Variants in PPP2R2C observed in about 807,000 individuals in gnomAD.
PPP2R2C encodes the protein protein phosphatase 2, regulatory subunit B, gamma.
Under a neutral mutation model 45.3 loss-of-function variants are expected in PPP2R2C, and 10 were observed. The observed-to-expected ratio is 0.22, with a 90% confidence interval of 0.14 to 0.37. The LOEUF (loss-of-function observed/expected upper bound fraction) is 0.37, where lower values mean the gene tolerates loss of function less well. Among genes scored for constraint, PPP2R2C ranks in the 10% least tolerant of loss-of-function variants. The pLI is 1.00. For missense variants in PPP2R2C, 308 were observed against 619.7 expected (o/e 0.50, Z 5.34); for synonymous variants, 257 against 245.4 (o/e 1.05, Z -0.44).
At chr4:6,560,558 A>G (rs2108846863) in intron 1 of PPP2R2C, among the ~76,000 whole-genome samples, 1 of 152,266 alleles carries the variant, frequency 6.6e-6, no homozygotes, top group South Asian at 2.1e-4. Flanking sequence ...GCGGAAGGAA[A>G]GCAGCTCATA....
intron 5 of PPP2R2C, among the ~76,000 whole-genome samples, chr4:6,365,621 T>C (rs1714234233): frequency 1.3e-5 from 2 of 152,224 alleles, no homozygotes; most frequent in Admixed American, 1.3e-4. Flanking sequence ...GCAGAGGGAC[T>C]GTGTCTGCTC....
chr4:6,492,428 C>T (rs894779064), intron 2 of PPP2R2C, among the ~76,000 whole-genome samples: 4 of 152,194 alleles, frequency 2.6e-5, no homozygotes, highest in African/African-American at 9.7e-5. Flanking sequence ...CTATAAGAGC[C>T]TCCCCCCGAG....
At chr4:6,427,678 G>A (rs73206190) in intron 1 of PPP2R2C, among the ~76,000 whole-genome samples, 3,461 of 152,292 alleles carry the variant, frequency 0.023, 86 homozygotes, top group Non-Finnish European at 0.026. Flanking sequence ...CAGTATGCTC[G>A]GTGATGGATC....
chr4:6,373,860 T>C (rs1355638286), intron 4 of PPP2R2C, among the ~76,000 whole-genome samples: 2 of 151,898 alleles, frequency 1.3e-5, no homozygotes, highest in Non-Finnish European at 1.5e-5. Flanking sequence ...AGTGTGCATG[T>C]GAGTGTGCAT....
At chr4:6,560,686 A>G (rs1007749392) in intron 1 of PPP2R2C, among the ~76,000 whole-genome samples, 1 of 152,172 alleles carries the variant, frequency 6.6e-6, no homozygotes, top group African/African-American at 2.4e-5. Context: ...CCGCTTCACA[A>G]GTGTGTGACC....
At chr4:6,346,265 T>C (rs1022009140) in intron 6 of PPP2R2C, among the ~76,000 whole-genome samples, 1 of 152,174 alleles carries the variant, frequency 6.6e-6, no homozygotes, top group African/African-American at 2.4e-5. Flanking sequence ...CAGCTTCTCA[T>C]TCTCAGCTCA....
upstream of PPP2R2C, among the ~76,000 whole-genome samples, chr4:6,473,362 T>C (rs2108772670): frequency 6.7e-6 from 1 of 149,330 alleles, no homozygotes; most frequent in South Asian, 2.2e-4. Flanking sequence ...GCCTGGCACA[T>C]AGTGGGCCCT....
At chr4:6,402,982 C>T (rs1013041455) in intron 1 of PPP2R2C, among the ~76,000 whole-genome samples, 1 of 152,210 alleles carries the variant, frequency 6.6e-6, no homozygotes, top group African/African-American at 2.4e-5. Context: ...GTGCTAGGCT[C>T]TGCACGTCTC....
chr4:6,538,037 G>A (rs1333189548), intron 1 of PPP2R2C, among the ~76,000 whole-genome samples: 1 of 152,154 alleles, frequency 6.6e-6, no homozygotes, highest in African/African-American at 2.4e-5. Flanking sequence ...GGGTCGTGGA[G>A]ATGGTTGCAC....
At chr4:6,425,791 A>T (rs961238195) in intron 1 of PPP2R2C, among the ~76,000 whole-genome samples, 1 of 151,806 alleles carries the variant, frequency 6.6e-6, no homozygotes, top group Non-Finnish European at 1.5e-5. Context: ...CATACAGAAC[A>T]GGGCCCAGAA....
At chr4:6,498,419 A>C (rs907804664) in intron 2 of PPP2R2C, among the ~76,000 whole-genome samples, 1 of 152,228 alleles carries the variant, frequency 6.6e-6, no homozygotes, top group Admixed American at 6.5e-5. Flanking sequence ...CAGATGCTGC[A>C]ATTTATTACC....
At position 6,463,715 on chromosome 4, in the gene PPP2R2C, G is replaced by A. The variant is rs138379340; in HGVS notation, c.70+8445C>T. Among the ~76,000 whole-genome samples, 3 of 152,338 alleles carry A rather than the reference G, an allele frequency of 2.0e-5. No individual in the cohort carries two copies. In the East Asian group the frequency reaches 5.8e-4, roughly 29 times the overall value. On this transcript the variant is annotated intron_variant, in intron 1 of 8. Coordinates refer to ENST00000382599, the MANE Select transcript of PPP2R2C (RefSeq NM_020416.4). The stretch of plus-strand genomic sequence containing the variant: ...CGTTCCTCCTGCCCAGAATGCGCTA[G>A]AATACCATGTCCCAGCACATCATCA...
chr4:6,402,497 CCTT>C (rs5855911), intron 1 of PPP2R2C, among the ~76,000 whole-genome samples: 74,703 of 151,672 alleles, frequency 0.49, 19,350 homozygotes, highest in East Asian at 0.96. Flanking sequence ...CCTTCTCCTT[CCTT>C]CTTTCCTTCT....
At chr4:6,495,373 A>T (rs905938706) in intron 2 of PPP2R2C, among the ~76,000 whole-genome samples, 2 of 152,172 alleles carry the variant, frequency 1.3e-5, no homozygotes, top group African/African-American at 2.4e-5. Context: ...GCACCCACGA[A>T]AACAGTGTCC....
At chr4:6,464,874 G>A (rs924522636) in intron 1 of PPP2R2C, among the ~76,000 whole-genome samples, 5 of 149,446 alleles carry the variant, frequency 3.3e-5, no homozygotes, top group African/African-American at 1.2e-4. Flanking sequence ...ATAAGAAAGT[G>A]TGTGGGGGAG....
intron 2 of PPP2R2C, among the ~76,000 whole-genome samples, chr4:6,524,528 A>G (rs752267210): frequency 2.0e-5 from 3 of 152,240 alleles, no homozygotes; most frequent in Non-Finnish European, 4.4e-5. Context: ...CACCGTGATC[A>G]GGCAGCATTT....
chr4:6,548,452 C>T (rs1197046108), intron 1 of PPP2R2C, among the ~76,000 whole-genome samples: 1 of 152,204 alleles, frequency 6.6e-6, no homozygotes, highest in Non-Finnish European at 1.5e-5. Context: ...GCCTGGAACC[C>T]TTGTGCGTGA....
Position 6,511,500 on chromosome 4 carries a change from G to A in PPP2R2C, c.49+23771C>T, listed in dbSNP as rs1420716036. 8.5e-4 allele frequency among the ~76,000 whole-genome samples: 48 copies of A among 56,610 alleles called. 4 individuals are homozygous for A. Among genetic ancestry groups the A allele is most frequent in the African/African-American group, 2.0e-3 (29 of 14,706 alleles). 37.1% of individuals were successfully genotyped at this position (56,610 alleles called of 152,430 possible). A position where few individuals can be genotyped will look rare whatever the true frequency, so the allele number is the denominator to read the frequency against. The stretch of plus-strand genomic sequence containing the variant: ...TGATGGCGGTGTTGGTGGTGATGGC[G>A]GTGATGGTGGTGGTGGTGGTGGTGA... On this transcript the variant is annotated intron_variant, in intron 2 of 9. Transcript: ENST00000506140.
intron 1 of PPP2R2C, among the ~76,000 whole-genome samples, chr4:6,544,229 C>G (rs967432598): frequency 2.0e-5 from 3 of 152,258 alleles, no homozygotes; most frequent in Admixed American, 1.3e-4. Flanking sequence ...GACCCCTTGC[C>G]TTTTACGGTG....
Sources: gnomAD v4.1 joint callset for allele counts (sites outside exome capture counted in the v4.1 genomes callset) on GRCh38, gnomAD v4.1.1 for gene constraint, MANE v1.5 for transcripts, NCBI Gene and HGNC (gene_info 2026-07-23, HGNC 2026-07-21) for gene names.